GLYR1: variants seen among roughly 807,000 people sequenced by gnomAD.
GLYR1 encodes cytokine-like nuclear factor N-PAC.
GLYR1 carries 21 observed loss-of-function variants against 72.7 expected under a neutral mutation model. The ratio of observed to expected loss-of-function variants is 0.29; its 90% CI spans 0.20 to 0.42. The LOEUF is 0.42. GLYR1 is among the 10% of genes least tolerant of loss of function. GLYR1 has a pLI of 1.00. For missense variants in GLYR1, 594 were observed against 712.1 expected (o/e 0.83, Z 1.89); for synonymous variants, 392 against 270.2 (o/e 1.45, Z -4.42).
intron 15 of GLYR1, among the ~76,000 whole-genome samples, chr16:4,810,071 T>C (rs1460171708): frequency 2.0e-5 from 3 of 152,118 alleles, no homozygotes; most frequent in Non-Finnish European, 4.4e-5. Flanking sequence ...TTTTAAGTAA[T>C]TCATGGATCA....
Position 4,812,245 on chromosome 16 carries a change from T to C in GLYR1, c.1123A>G (p.Ile375Val), listed in dbSNP as rs753106288. 27 of 1,611,708 alleles carry C rather than the reference T, an allele frequency of 1.7e-5. No homozygotes were observed. Among genetic ancestry groups the C allele is most frequent in the Non-Finnish European group, 2.0e-5 (24 of 1,179,506 alleles). The stretch of plus-strand genomic sequence containing the variant: ...AGAAAGCGCCCCCCCCTGGACACAA[T>C]CACCTGGAAAGAAAAGTCACAGCTT... ...ADTVTELAQV[I>V]VSRGGRFLEA... The change falls in exon 13 of 16, where the codon ATT becomes GTT. Residue 375 changes from isoleucine to valine, a missense_variant. Physicochemically the swap from Ile to Val is conservative, Grantham distance 29. Transcript: ENST00000321919.
chr16:4,809,140 T>A (rs1044556863), intron 15 of GLYR1, among the ~76,000 whole-genome samples: 1 of 149,162 alleles, frequency 6.7e-6, no homozygotes, highest in African/African-American at 2.5e-5. Context: ...GATGGAAAAA[T>A]ATACATACCA....
intron 3 of GLYR1, among the ~76,000 whole-genome samples, chr16:4,836,414 G>A (rs1240166982): frequency 1.3e-5 from 2 of 152,192 alleles, no homozygotes; most frequent in Non-Finnish European, 1.5e-5. Context: ...AGACTTAGAT[G>A]GAGCTATATC....
At chr16:4,845,336 T>A (rs2085928608) in intron 2 of GLYR1, among the ~76,000 whole-genome samples, 183 bp from the exon 3 acceptor site, 1 of 152,216 alleles carries the variant, frequency 6.6e-6, no homozygotes, top group Non-Finnish European at 1.5e-5. Context: ...AAATCTCCCA[T>A]TTTTCTATTG....
intron 3 of GLYR1, among the ~76,000 whole-genome samples, chr16:4,835,182 G>A (rs1219149246): frequency 6.6e-6 from 1 of 151,910 alleles, no homozygotes; most frequent in African/African-American, 2.4e-5. Context: ...TCCCACCCAC[G>A]CCATCCTGCT....
At chr16:4,805,633 G>A (rs1168938761) in intron 15 of GLYR1, among the ~76,000 whole-genome samples, 1 of 152,208 alleles carries the variant, frequency 6.6e-6, no homozygotes, top group Non-Finnish European at 1.5e-5. Flanking sequence ...CTGAAGTCAG[G>A]AGTTCGAGAC....
intron 3 of GLYR1, among the ~76,000 whole-genome samples, chr16:4,835,311 A>C (rs1404756597): frequency 2.6e-5 from 4 of 152,214 alleles, no homozygotes; most frequent in African/African-American, 9.6e-5. Context: ...GAAGCATCTT[A>C]CAAGGTTTAC....
chr16:4,847,270 C>T lies in GLYR1; in HGVS notation c.-5G>A, dbSNP rs1386453036. 1.2e-6 allele frequency: 2 copies of T among 1,610,336 alleles called. No homozygotes were observed. The highest frequency in any genetic ancestry group is 1.7e-5 in the Admixed American group (1 of 59,908). ...CCGCAGACTCACAGCCGCCATCTTA[C>T]CACCCAACCACCGCCGACGCACGGG... On this transcript the variant is annotated 5_prime_UTR_variant, in exon 1 of 16. Coordinates refer to ENST00000321919, the MANE Select transcript of GLYR1 (RefSeq NM_032569.4).
chr16:4,811,900 G>A lies in GLYR1; in HGVS notation c.1283-98C>T. 4.8e-6 allele frequency: 7 copies of A among 1,454,566 alleles called. 1 individual carries two copies. The South Asian group carries it at 5.3e-5, about 11-fold the overall frequency. 90.1% of individuals were successfully genotyped at this position (1,454,566 alleles called of 1,614,324 possible). ...CTGCTCAGACCCACCTCTCTCCAGG[G>A]GAGGCCCCCTTCACCTGCCCCCGAC... On this transcript the variant is annotated intron_variant, in intron 13 of 15. Transcript: ENST00000321919.
chr16:4,820,654 T>C (rs939080578), intron 9 of GLYR1, among the ~76,000 whole-genome samples: 31 of 152,202 alleles, frequency 2.0e-4, no homozygotes, highest in Non-Finnish European at 4.1e-4. Flanking sequence ...AGATGCACTG[T>C]TTTTAGTCTG....
chr16:4,844,002 T>G (rs1411614058), intron 3 of GLYR1: 1 of 155,844 alleles, frequency 6.4e-6, no homozygotes. Context: ...TAGTCCCAGC[T>G]ACTCGGGAGG....
intron 11 of GLYR1, 29 bp downstream of exon 11, chr16:4,814,508 G>A: frequency 6.4e-7 from 1 of 1,550,652 alleles, no homozygotes; most frequent in Non-Finnish European, 8.9e-7. Context: ...GTGACCCGGA[G>A]TTGCTGAGGG....
Position 4,817,635 on chromosome 16 carries a change from C to A in GLYR1, c.869G>T (p.Gly290Val). ...GCGGTTCCAGACAGTCACTGTGTGACCCATTTTTAGCAAGTTGGAGACGAT... is the reference window on the plus strand; with the variant it reads ...GCGGTTCCAGACAGTCACTGTGTGAACCATTTTTAGCAAGTTGGAGACGAT... ...SGIVSNLLKM[G>V]HTVTVWNRTA... The change falls in exon 10 of 16, where the codon GGT becomes GTT. Residue 290 changes from glycine (G) to valine (V), a missense_variant. Transcript: ENST00000321919. 1 of 1,613,688 alleles carries A rather than the reference C, an allele frequency of 6.2e-7. No individual in the cohort carries two copies. The highest frequency in any genetic ancestry group is 8.5e-7 in the Non-Finnish European group (1 of 1,179,638).
chr16:4,822,189 C>T lies in GLYR1; in HGVS notation c.682-592G>A, dbSNP rs563015499. 1.0e-3 allele frequency among the ~76,000 whole-genome samples: 155 copies of T among 152,346 alleles called. 1 individual carries two copies. Among genetic ancestry groups the T allele is most frequent in the Middle Eastern group, 3.4e-3 (1 of 294 alleles). ...GCAACCTTTACCTCCTGGGTTCAAG[C>T]GATTCTACTGCCTCAGACTCCCAAG... On this transcript the variant is annotated intron_variant, in intron 7 of 15. Transcript: ENST00000321919.
intron 3 of GLYR1, chr16:4,839,967 G>T (rs1209371333): frequency 1.3e-5 from 2 of 152,350 alleles, no homozygotes; most frequent in South Asian, 4.1e-4. Context: ...CCAGGGTCCA[G>T]TAACCAATGG....
intron 3 of GLYR1, among the ~76,000 whole-genome samples, chr16:4,844,307 C>A (rs1200277675): frequency 6.6e-6 from 1 of 152,138 alleles, no homozygotes; most frequent in Non-Finnish European, 1.5e-5. Context: ...TAGGACAGAT[C>A]TGGTAAAAAG....
At chr16:4,825,593 T>C (rs930183608) in intron 5 of GLYR1, among the ~76,000 whole-genome samples, 1 of 152,220 alleles carries the variant, frequency 6.6e-6, no homozygotes, top group African/African-American at 2.4e-5. Flanking sequence ...CAATAAGTCC[T>C]ATTTTATACA....
At chr16:4,832,527 T>G (rs933525597) in intron 4 of GLYR1, 21 of 574,374 alleles carry the variant, frequency 3.7e-5, no homozygotes, top group Admixed American at 1.0e-4. Flanking sequence ...TGTGCTAGAC[T>G]CAAATGCTGA....
chr16:4,823,701 G>A (rs1388572678), intron 6 of GLYR1, 120 bp downstream of exon 6: 9 of 810,302 alleles, frequency 1.1e-5, no homozygotes, highest in South Asian at 7.9e-5. Context: ...CTTCTGTACT[G>A]TTTTGTAATA....
Sources: allele counts gnomAD v4.1 joint callset (sites outside exome capture counted in the v4.1 genomes callset), GRCh38; gene constraint gnomAD v4.1.1; transcripts MANE v1.5; gene names NCBI Gene and HGNC (gene_info 2026-07-23, HGNC 2026-07-21).